EXTL3: variants seen among roughly 807,000 people sequenced by gnomAD.
EXTL3 encodes exostosin-like 3.
A neutral mutation model predicts 69.3 loss-of-function variants in EXTL3; 27 were observed. That is an observed-to-expected ratio of 0.39 (90% confidence interval 0.29 to 0.54). The LOEUF is 0.54. Ranked by LOEUF, EXTL3 falls within the 20% of genes least tolerant of loss-of-function variation. The pLI is 0.69. For synonymous variants in EXTL3, 511 were observed against 499.4 expected (o/e 1.02, Z -0.31); for missense variants, 1,003 against 1,231.8 (o/e 0.81, Z 2.78).
At chr8:28,738,823 G>A (rs183259940) in intron 5 of EXTL3, among the ~76,000 whole-genome samples, 1 of 152,286 alleles carries the variant, frequency 6.6e-6, no homozygotes, top group East Asian at 1.9e-4. Flanking sequence ...TGCAGCTCCT[G>A]TCGTCTGTCT....
intron 4 of EXTL3, among the ~76,000 whole-genome samples, chr8:28,736,675 T>C (rs1801658841): frequency 6.6e-6 from 1 of 152,230 alleles, no homozygotes; most frequent in African/African-American, 2.4e-5. Flanking sequence ...AAACCAGTGC[T>C]CTCTAAACCT....
At chr8:28,727,482 G>A (rs1801438564) in intron 3 of EXTL3, among the ~76,000 whole-genome samples, 1 of 152,126 alleles carries the variant, frequency 6.6e-6, no homozygotes, top group Non-Finnish European at 1.5e-5. Flanking sequence ...CTCTTGATTT[G>A]GTTGTTTGTA....
intron 1 of EXTL3, among the ~76,000 whole-genome samples, chr8:28,687,982 A>G (rs1233927658): frequency 2.6e-5 from 4 of 151,964 alleles, no homozygotes; most frequent in Non-Finnish European, 5.9e-5. Flanking sequence ...TGGTTATCTT[A>G]ATGAGAGCAG....
intron 5 of EXTL3, among the ~76,000 whole-genome samples, chr8:28,739,635 G>A (rs1262981760): frequency 1.3e-5 from 2 of 152,124 alleles, no homozygotes; most frequent in Non-Finnish European, 2.9e-5. Context: ...CTGACATATA[G>A]GGACGTTTGA....
chr8:28,756,061 T>C (rs1278078133), downstream of EXTL3, among the ~76,000 whole-genome samples: 1 of 152,208 alleles, frequency 6.6e-6, no homozygotes, highest in Admixed American at 6.5e-5. Context: ...CAACTGTTCA[T>C]TATAGGTCAA....
intron 1 of EXTL3, among the ~76,000 whole-genome samples, chr8:28,711,141 G>A (rs1801023189): frequency 6.6e-6 from 1 of 152,194 alleles, no homozygotes; most frequent in Non-Finnish European, 1.5e-5. Context: ...TCACTGAAGT[G>A]TATAGAGTTG....
At chr8:28,719,389 T>C (rs1801244936) in intron 3 of EXTL3, among the ~76,000 whole-genome samples, 1 of 152,234 alleles carries the variant, frequency 6.6e-6, no homozygotes, top group Non-Finnish European at 1.5e-5. Context: ...GCCAGTATGT[T>C]TGTCTTGCCT....
intron 1 of EXTL3, among the ~76,000 whole-genome samples, chr8:28,691,890 T>G (rs1450443650): frequency 6.6e-6 from 1 of 151,802 alleles, no homozygotes; most frequent in Non-Finnish European, 1.5e-5. Context: ...ACAGCGAAAC[T>G]CCGTCTCAAA....
At chr8:28,675,315 T>C (rs1260764178) in intron 1 of EXTL3, among the ~76,000 whole-genome samples, 5 of 152,202 alleles carry the variant, frequency 3.3e-5, no homozygotes, top group Admixed American at 2.6e-4. Context: ...AATGCATGCA[T>C]GTCGAAACTC....
intron 1 of EXTL3, among the ~76,000 whole-genome samples, chr8:28,639,009 C>T (rs1199603902): frequency 6.7e-6 from 1 of 149,216 alleles, no homozygotes; most frequent in African/African-American, 2.5e-5. Flanking sequence ...GTGTTCTTGG[C>T]TCACCACAAC....
chr8:28,693,927 C>G (rs1388802044), intron 1 of EXTL3, among the ~76,000 whole-genome samples: 2 of 152,204 alleles, frequency 1.3e-5, no homozygotes, highest in African/African-American at 4.8e-5. Flanking sequence ...TCAGCACTTT[C>G]TTTTAAAATC....
At chr8:28,673,871 G>A (rs1479905881) in intron 1 of EXTL3, among the ~76,000 whole-genome samples, 2 of 151,624 alleles carry the variant, frequency 1.3e-5, no homozygotes, top group Non-Finnish European at 2.9e-5. Context: ...TGAATTTTCT[G>A]AACTGGTTCT....
chr8:28,685,728 TCAC>T (rs1435180451), intron 1 of EXTL3, among the ~76,000 whole-genome samples: 3 of 152,106 alleles, frequency 2.0e-5, no homozygotes, highest in Non-Finnish European at 4.4e-5. Context: ...TTACCCAGAT[TCAC>T]CAGTTTTTGA....
intron 3 of EXTL3, 137 bp from the exon 4 acceptor site, chr8:28,731,086 C>A: frequency 1.0e-6 from 1 of 969,300 alleles, no homozygotes; most frequent in Non-Finnish European, 1.6e-6. Flanking sequence ...AAGGCATATG[C>A]TAGATTTTAC....
intron 1 of EXTL3, among the ~76,000 whole-genome samples, chr8:28,658,031 G>T (rs1807039418): frequency 1.3e-5 from 2 of 152,224 alleles, no homozygotes. Context: ...GGCTGAGAGG[G>T]TGGGGTTGGA....
chr8:28,693,526 T>A (rs1259383844), intron 1 of EXTL3, among the ~76,000 whole-genome samples: 1 of 152,174 alleles, frequency 6.6e-6, no homozygotes, highest in African/African-American at 2.4e-5. Context: ...TATAGCCACA[T>A]GGCAAGGCAG....
chr8:28,662,083 C>T (rs775999338), intron 1 of EXTL3, among the ~76,000 whole-genome samples: 92 of 151,806 alleles, frequency 6.1e-4, no homozygotes, highest in Non-Finnish European at 7.5e-4. Context: ...GTGTAACCTA[C>T]GCATGCACAG....
chr8:28,631,994 A>C (rs1806576710), intron 1 of EXTL3, among the ~76,000 whole-genome samples: 1 of 152,010 alleles, frequency 6.6e-6, no homozygotes, highest in African/African-American at 2.4e-5. Context: ...AGGCTGAGGC[A>C]AGAGAATCAC....
intron 1 of EXTL3, among the ~76,000 whole-genome samples, chr8:28,684,881 AAC>A (rs1218457324): frequency 3.3e-5 from 3 of 89,694 alleles, no homozygotes; most frequent in Non-Finnish European, 7.4e-5. Flanking sequence ...CACACATACG[AAC>A]ACAGACTATT....
Sources: gnomAD v4.1 joint callset for allele counts (sites outside exome capture counted in the v4.1 genomes callset) on GRCh38, gnomAD v4.1.1 for gene constraint, MANE v1.5 for transcripts, NCBI Gene and HGNC (gene_info 2026-07-23, HGNC 2026-07-21) for gene names.